Variants in AHI1 observed in about 807,000 individuals in gnomAD.
The protein encoded by AHI1 is jouberin.
AHI1 carries 123 observed loss-of-function variants against 149.3 expected under a neutral mutation model. That is an observed-to-expected ratio of 0.82 (90% confidence interval 0.71 to 0.96). AHI1 has a LOEUF of 0.96. AHI1 is among the 40% of genes least tolerant of loss of function. The pLI, the probability that AHI1 is intolerant of heterozygous loss-of-function variation, is 0.00. For missense variants in AHI1, 1,439 were observed against 1,422.7 expected, an observed-to-expected ratio of 1.01 and a Z score of -0.18; for synonymous variants, 475 against 459.8, an observed-to-expected ratio of 1.03 and a Z score of -0.42.
At chr6:135,296,097 C>T (rs189370934) in intron 27 of AHI1, among the ~76,000 whole-genome samples, 252 of 152,286 alleles carry the variant, frequency 1.7e-3, no homozygotes, top group South Asian at 0.01. Context: ...TCAGATGATC[C>T]GTTTGCCTCG....
In AHI1 at chr6:135,486,578, T is replaced by A. The variant is rs145319436; in HGVS notation, c.135+4045A>T. On this transcript the variant is annotated intron_variant, in intron 5 of 28. Transcript: ENST00000265602. ...TCTTTTAACAAGATTAATTTCAATG[T>A]GTTCATATATTTATATAGAGTTTTT... 2.8e-3 allele frequency among the ~76,000 whole-genome samples: 419 copies of A among 152,226 alleles called. 2 individuals carry two copies. Among genetic ancestry groups the A allele is most frequent in the African/African-American group, 9.4e-3 (391 of 41,550 alleles).
chr6:135,332,486 T>C (rs1284919430), intron 24 of AHI1, among the ~76,000 whole-genome samples: 1 of 152,236 alleles, frequency 6.6e-6, no homozygotes, highest in East Asian at 1.9e-4. Context: ...ATATTGAATA[T>C]TGAATAAAAA....
chr6:135,484,676 T>C (rs1345642465), intron 5 of AHI1, among the ~76,000 whole-genome samples: 2 of 152,072 alleles, frequency 1.3e-5, no homozygotes, highest in Non-Finnish European at 2.9e-5. Context: ...TTAGCAATTA[T>C]TATCACTAGC....
chr6:135,344,265 C>T (rs932412810), intron 24 of AHI1, among the ~76,000 whole-genome samples: 7 of 151,090 alleles, frequency 4.6e-5, no homozygotes, highest in African/African-American at 9.7e-5. Context: ...CCTACAGACA[C>T]GGAGGGCTAA....
intron 14 of AHI1, among the ~76,000 whole-genome samples, chr6:135,440,553 G>GT (rs953342042): frequency 5.9e-5 from 9 of 152,138 alleles, no homozygotes; most frequent in African/African-American, 2.2e-4. Flanking sequence ...TCGGGCTGAC[G>GT]TGAGGAGGCT....
rs765844068 is a variant in AHI1, at chr6:135,448,461, A to G, written c.1455T>C (p.Asn485=). ...GTTTTGAGTTGATGTTTGCATTTCC[A>G]TTGGCTCCCAGAAGCTTAAAATAAG... is the stretch of plus-strand genomic sequence containing the variant. ...AWAFLKLLGA[N]GNANINSKLR... Residue 485 remains asparagine (N), a synonymous_variant, in exon 12 of 29, where the codon AAT becomes AAC. Coordinates refer to ENST00000265602, the MANE Select transcript of AHI1 (RefSeq NM_001134831.2). The G allele has an allele frequency of 1.3e-6, 2 of 1,517,324 alleles. No individual in the cohort carries two copies. The highest frequency in any genetic ancestry group is 1.4e-5 in the South Asian group (1 of 73,644). The allele number at this position is 1,517,324 out of a possible 1,614,324, so 94.0% of individuals were successfully genotyped here.
At chr6:135,429,072 T>C (rs1784296486) in intron 18 of AHI1, among the ~76,000 whole-genome samples, 2 of 151,614 alleles carry the variant, frequency 1.3e-5, no homozygotes, top group Admixed American at 1.3e-4. Context: ...ATTCTAGCTA[T>C]AGAGCAAGAG....
At chr6:135,427,425 T>A in intron 19 of AHI1, 118 bp from the exon 20 acceptor site, 1 of 876,454 alleles carries the variant, frequency 1.1e-6, no homozygotes, top group African/African-American at 1.7e-5. Flanking sequence ...GCTCACATTA[T>A]TTATGTGAAA....
chr6:135,316,992 A>G (rs1010439323), intron 26 of AHI1, among the ~76,000 whole-genome samples: 20 of 152,128 alleles, frequency 1.3e-4, no homozygotes, highest in African/African-American at 4.6e-4. Context: ...CTATTTATTC[A>G]GTTGTCTAAG....
chr6:135,396,182 A>G (rs1583017960), intron 22 of AHI1, among the ~76,000 whole-genome samples: 4 of 151,902 alleles, frequency 2.6e-5, no homozygotes, highest in Admixed American at 2.6e-4. Flanking sequence ...AGTATTTTCC[A>G]AAGTAGTTGG....
rs1786102637 is a variant in AHI1, at chr6:135,317,296, T to C, written c.3426+1223A>G. On this transcript the variant is annotated intron_variant, in intron 26 of 28. Transcript: ENST00000265602. The stretch of plus-strand genomic sequence containing the variant: ...GGAGTATAAAATTTAAGTGTTTTAG[T>C]AGAGTATGCTACGCTCTTCTGTGGC... Among the ~76,000 whole-genome samples the C allele has an allele frequency of 2.0e-5, 3 of 151,836 alleles. No homozygotes were observed. In the South Asian group the frequency reaches 6.3e-4, roughly 32 times the overall value.
intron 14 of AHI1, among the ~76,000 whole-genome samples, chr6:135,442,006 G>C (rs1186442737): frequency 6.6e-6 from 1 of 152,022 alleles, no homozygotes. Flanking sequence ...GAGGAGAGCT[G>C]GTTTTATTAT....
At chr6:135,442,912 G>A (rs1157813176) in intron 13 of AHI1, among the ~76,000 whole-genome samples, 198 bp from the exon 14 acceptor site, 1 of 152,056 alleles carries the variant, frequency 6.6e-6, no homozygotes, top group Non-Finnish European at 1.5e-5. Flanking sequence ...TTTAAAGTGG[G>A]TTTGTTCTTC....
Position 135,394,850 on chromosome 6 carries a change from T to G in AHI1, c.3035A>C (p.Gln1012Pro). The G allele has an allele frequency of 6.2e-7, 1 of 1,606,092 alleles. No individual in the cohort carries two copies. The highest frequency in any genetic ancestry group is 8.5e-7 in the Non-Finnish European group (1 of 1,175,740). Residue 1012 changes from glutamine to proline, a missense_variant, in exon 23 of 29, where the codon CAA becomes CCA. Transcript: ENST00000265602. ...SFTSPPAVSS[Q>P]QSKLKQSNML... The stretch of plus-strand genomic sequence containing the variant: ...GTTTGACTGCTTTAACTTAGACTGT[T>G]GTGAGGAAACTGCTGGTGGTGAAGT...
At chr6:135,297,500 TAC>T (rs1291422341) in intron 27 of AHI1, 10 of 456,318 alleles carry the variant, frequency 2.2e-5, no homozygotes, top group South Asian at 1.5e-4. Flanking sequence ...CTTCTGTAAT[TAC>T]AATTTGCATC....
chr6:135,486,623 T>C (rs1003822757), intron 5 of AHI1, among the ~76,000 whole-genome samples: 6 of 152,200 alleles, frequency 3.9e-5, no homozygotes, highest in Non-Finnish European at 4.4e-5. Context: ...CACACATTCA[T>C]AAATGAGACA....
intron 23 of AHI1, among the ~76,000 whole-genome samples, chr6:135,364,304 C>T (rs1794532323): frequency 6.6e-6 from 1 of 151,596 alleles, no homozygotes; most frequent in South Asian, 2.1e-4. Flanking sequence ...GGCGGCCGGG[C>T]AGAGACGCTC....
At chr6:135,296,304 T>C (rs1183453582) in intron 27 of AHI1, among the ~76,000 whole-genome samples, 1 of 152,224 alleles carries the variant, frequency 6.6e-6, no homozygotes, top group East Asian at 1.9e-4. Flanking sequence ...AATATTATTT[T>C]AACTGGTCTC....
Position 135,404,475 on chromosome 6 carries a change from G to A in AHI1, c.2988+476C>T, listed in dbSNP as rs548148424. Among the ~76,000 whole-genome samples, 123 of 152,104 alleles carry A rather than the reference G, an allele frequency of 8.1e-4. 1 individual carries two copies. In the South Asian group the frequency reaches 0.01, roughly 13 times the overall value. ...ACAATTATATCTAATCCATCTCTCA[G>A]GATTATTATACAGTATAGTTAAATG... On this transcript the variant is annotated intron_variant, in intron 22 of 28. Transcript: ENST00000265602.
Sources: gnomAD v4.1 joint callset for allele counts (sites outside exome capture counted in the v4.1 genomes callset) on GRCh38, gnomAD v4.1.1 for gene constraint, MANE v1.5 for transcripts, NCBI Gene and HGNC (gene_info 2026-07-23, HGNC 2026-07-21) for gene names.